The following CCSER1 variants were observed in gnomAD, a reference collection of about 807,000 sequenced individuals.
CCSER1 encodes the protein coiled-coil serine rich protein 1.
A neutral mutation model predicts 82.0 loss-of-function variants in CCSER1; 41 were observed. The ratio of observed to expected loss-of-function variants is 0.50; its 90% confidence interval spans 0.39 to 0.65. CCSER1 has a LOEUF of 0.65. Among genes scored for constraint, CCSER1 ranks in the 30% least tolerant of loss-of-function variants. The probability of loss-of-function intolerance (pLI) is 0.00; values close to 1 mark genes in which losing one functional copy is unlikely to be tolerated. For missense variants in CCSER1, 1,119 were observed against 1,064.2 expected, an observed-to-expected ratio of 1.05 and a Z score of -0.72; for synonymous variants, 414 against 383.9, an observed-to-expected ratio of 1.08 and a Z score of -0.92.
At chr4:90,818,551 A>C (rs564816205) in intron 8 of CCSER1, among the ~76,000 whole-genome samples, 128 of 152,316 alleles carry the variant, frequency 8.4e-4, no homozygotes, top group African/African-American at 2.8e-3. Flanking sequence ...TGCTGGGATT[A>C]CAGATGTGAG....
chr4:91,567,467 T>C (rs13102210), intron 10 of CCSER1, among the ~76,000 whole-genome samples: 1 of 152,102 alleles, frequency 6.6e-6, no homozygotes, highest in Non-Finnish European at 1.5e-5. Context: ...TATCTAATAC[T>C]GTCAGTGAAG....
chr4:90,409,750 A>G (rs1247431358), intron 4 of CCSER1, among the ~76,000 whole-genome samples: 1 of 152,238 alleles, frequency 6.6e-6, no homozygotes, highest in Non-Finnish European at 1.5e-5. Context: ...AGCTAACATC[A>G]TAATGACAGG....
At chr4:90,628,657 T>C (rs1175173965) in intron 6 of CCSER1, among the ~76,000 whole-genome samples, 1 of 152,208 alleles carries the variant, frequency 6.6e-6, no homozygotes, top group Admixed American at 6.5e-5. Context: ...ATAATCAGAA[T>C]TCAGTAAAAT....
intron 10 of CCSER1, among the ~76,000 whole-genome samples, chr4:91,556,721 A>C (rs1762425673): frequency 6.6e-6 from 1 of 151,134 alleles, no homozygotes; most frequent in Non-Finnish European, 1.5e-5. Context: ...ATATTTCAGC[A>C]ACTTTCATTT....
intron 10 of CCSER1, among the ~76,000 whole-genome samples, chr4:91,320,518 G>T (rs1746125055): frequency 6.6e-6 from 1 of 151,996 alleles, no homozygotes; most frequent in Non-Finnish European, 1.5e-5. Context: ...CAATTACCTT[G>T]CTGTTTTCAT....
chr4:90,434,376 C>A (rs1411324473), intron 4 of CCSER1, among the ~76,000 whole-genome samples: 1 of 151,998 alleles, frequency 6.6e-6, no homozygotes, highest in Non-Finnish European at 1.5e-5. Context: ...AATTTTTAAC[C>A]CTTTTCTACC....
intron 4 of CCSER1, among the ~76,000 whole-genome samples, chr4:90,446,811 C>T (rs1431349620): frequency 6.6e-6 from 1 of 152,164 alleles, no homozygotes; most frequent in African/African-American, 2.4e-5. Flanking sequence ...GACAGCAATA[C>T]CGGCCTCTCC....
intron 4 of CCSER1, among the ~76,000 whole-genome samples, chr4:90,453,607 A>G (rs1452286387): frequency 1.3e-5 from 2 of 152,128 alleles, no homozygotes; most frequent in Admixed American, 6.5e-5. Context: ...GGTCTCTACT[A>G]TGGGGAGACA....
intron 3 of CCSER1, among the ~76,000 whole-genome samples, chr4:90,330,307 T>G (rs1739048735): frequency 1.3e-5 from 2 of 152,120 alleles, no homozygotes; most frequent in South Asian, 4.1e-4. Context: ...TAGGCTTCAG[T>G]TGGGATGAGA....
At position 90,804,930 on chromosome 4, in the gene CCSER1, T is replaced by C. The variant is rs529834256; in HGVS notation, c.2011-10832T>C. Among the ~76,000 whole-genome samples, 50 of 152,340 alleles carry C rather than the reference T, an allele frequency of 3.3e-4. No individual in the cohort carries two copies. The South Asian group carries it at 0.01, about 32-fold the overall frequency. Reference sequence around the variant, plus strand: ...TATATCATAAGAACATAAATATTGCTGATATACTTGAAATGAGCTATTTGA... The same window carrying C: ...TATATCATAAGAACATAAATATTGCCGATATACTTGAAATGAGCTATTTGA... On this transcript the variant is annotated intron_variant, in intron 7 of 10. Coordinates refer to ENST00000509176, the MANE Select transcript of CCSER1 (RefSeq NM_001145065.2).
chr4:90,998,141 C>T (rs1011986869), intron 9 of CCSER1, among the ~76,000 whole-genome samples: 5 of 152,038 alleles, frequency 3.3e-5, no homozygotes, highest in East Asian at 1.9e-4. Context: ...AGTGCAATGG[C>T]GCGATCTTGG....
At chr4:90,590,043 G>T (rs758163253) in intron 5 of CCSER1, among the ~76,000 whole-genome samples, 1 of 152,146 alleles carries the variant, frequency 6.6e-6, no homozygotes, top group Non-Finnish European at 1.5e-5. Flanking sequence ...GGAGGCTGAG[G>T]TTGGTGGATC....
intron 6 of CCSER1, among the ~76,000 whole-genome samples, chr4:90,638,287 T>G (rs1725806031): frequency 6.6e-6 from 1 of 152,124 alleles, no homozygotes. Flanking sequence ...CAGGTTTCCA[T>G]GTTTATCAAA....
At chr4:91,406,200 C>A (rs1254136687) in intron 10 of CCSER1, among the ~76,000 whole-genome samples, 1 of 152,116 alleles carries the variant, frequency 6.6e-6, no homozygotes. Context: ...AATTTGTTAA[C>A]TTGTACAATA....
At chr4:91,279,099 T>G (rs990106898) in intron 10 of CCSER1, among the ~76,000 whole-genome samples, 1 of 152,034 alleles carries the variant, frequency 6.6e-6, no homozygotes, top group Non-Finnish European at 1.5e-5. Context: ...ATCACTCCAT[T>G]CTCTCCTGGC....
chr4:90,751,357 CG>C (rs1271199833), intron 7 of CCSER1, among the ~76,000 whole-genome samples: 1 of 152,018 alleles, frequency 6.6e-6, no homozygotes, highest in Non-Finnish European at 1.5e-5. Context: ...GTAAAAACAG[CG>C]TAAGTGGTAA....
chr4:90,804,716 A>G (rs10516878), intron 7 of CCSER1, among the ~76,000 whole-genome samples: 51,732 of 151,966 alleles, frequency 0.34, 9,018 homozygotes, highest in East Asian at 0.42. Flanking sequence ...TTAAACAATG[A>G]GATAATTCCA....
At chr4:91,450,604 G>C (rs751075967) in intron 10 of CCSER1, among the ~76,000 whole-genome samples, 2 of 152,042 alleles carry the variant, frequency 1.3e-5, no homozygotes, top group Non-Finnish European at 2.9e-5. Context: ...AGTTCAGAGA[G>C]AAGGAACCTA....
chr4:91,373,833 T>G (rs560931564), intron 10 of CCSER1, among the ~76,000 whole-genome samples: 2 of 152,292 alleles, frequency 1.3e-5, no homozygotes, highest in South Asian at 4.1e-4. Flanking sequence ...AAAGGAAACG[T>G]TCTTAGAGGA....
Sources: allele counts gnomAD v4.1 joint callset (sites outside exome capture counted in the v4.1 genomes callset), GRCh38; gene constraint gnomAD v4.1.1; transcripts MANE v1.5; gene names NCBI Gene and HGNC (gene_info 2026-07-23, HGNC 2026-07-21).